The following DNAH17 variants were observed in gnomAD, a reference collection of about 807,000 sequenced individuals.
DNAH17 encodes the protein dynein axonemal heavy chain 17.
A neutral mutation model predicts 485.6 loss-of-function variants in DNAH17; 376 were observed. The observed-to-expected ratio is 0.77, with a 90% CI of 0.71 to 0.84. The LOEUF (loss-of-function observed/expected upper bound fraction) is 0.84, where lower values mean the gene tolerates loss of function less well. Ranked by LOEUF, DNAH17 falls within the 40% of genes least tolerant of loss-of-function variation. The pLI is 0.00. For missense variants in DNAH17, 6,370 were observed against 5,839.3 expected, an observed-to-expected ratio of 1.09 and a Z score of -2.96; for synonymous variants, 3,031 against 2,405.9, an observed-to-expected ratio of 1.26 and a Z score of -7.60.
intron 16 of DNAH17, among the ~76,000 whole-genome samples, chr17:78,550,923 G>A (rs1383022345): frequency 6.6e-6 from 1 of 152,198 alleles, no homozygotes; most frequent in African/African-American, 2.4e-5. Context: ...CCCGTCAATT[G>A]AAAATTGAAT....
intron 9 of DNAH17, among the ~76,000 whole-genome samples, chr17:78,568,028 A>C (rs1308821023): frequency 6.6e-6 from 1 of 152,080 alleles, no homozygotes; most frequent in Admixed American, 6.5e-5. Context: ...CCACGCACCA[A>C]CACCACCCCG....
At chr17:78,522,081 C>T (rs1015185720) in intron 25 of DNAH17, among the ~76,000 whole-genome samples, 1 of 152,188 alleles carries the variant, frequency 6.6e-6, no homozygotes, top group African/African-American at 2.4e-5. Context: ...CTCGCAATCA[C>T]AACCTGACAA....
At position 78,495,129 on chromosome 17, in the gene DNAH17, G is replaced by A. The variant is rs11077376; in HGVS notation, c.5904-32C>T. ...AGGTCAGCGGTGCCTGTGGGCTTCT[G>A]CCCACTCCCTCCCCAACCTACACCC... On this transcript the variant is annotated intron_variant, in intron 38 of 80. Coordinates refer to ENST00000389840, the MANE Select transcript of DNAH17 (RefSeq NM_173628.4). 403,584 of 1,559,520 alleles carry A rather than the reference G, an allele frequency of 0.26. 54,049 individuals carry two copies. Among genetic ancestry groups the A allele is most frequent in the South Asian group, 0.34 (28,625 of 84,004 alleles).
chr17:78,494,974 C>T lies in DNAH17; in HGVS notation c.6027G>A (p.Glu2009=), dbSNP rs989836288. ...KFITLYTLCK[E]LLSKQDHYDW... is the part of the protein sequence containing the mutation. ...ACACACACACCTGCTTCGAGAGCAG[C>T]TCCTTGCACAAGGTGTACAGGGTGA... Residue 2009 remains glutamate, a synonymous_variant, in exon 39 of 81, where the codon GAG becomes GAA. Coordinates refer to ENST00000389840, the MANE Select transcript of DNAH17 (RefSeq NM_173628.4). 1.9e-6 allele frequency: 3 copies of T among 1,612,980 alleles called. No individual in the cohort carries two copies. In the African/African-American group the frequency reaches 4.0e-5, roughly 22 times the overall value.
At chr17:78,568,439 C>T (rs1568268601) in intron 9 of DNAH17, among the ~76,000 whole-genome samples, 2 of 152,084 alleles carry the variant, frequency 1.3e-5, no homozygotes, top group African/African-American at 4.8e-5. Flanking sequence ...ATGATTTTCC[C>T]CTTTTTTAAG....
In DNAH17 at chr17:78,429,319, G is replaced by A. The variant is rs78662315; in HGVS notation, c.12226-19C>T. The A allele has an allele frequency of 2.7e-3, 4,269 of 1,608,506 alleles. 83 individuals are homozygous for A. In the East Asian group the frequency reaches 0.054, roughly 20 times the overall value. ...AGGGCACCTGAGGAAGGATGACAGC[G>A]GGTAGGGGAAAGTGCCCCTGTGCCC... On this transcript the variant is annotated intron_variant, in intron 75 of 80. Transcript: ENST00000389840.
intron 70 of DNAH17, 134 bp from the exon 71 acceptor site, chr17:78,444,931 A>G: frequency 1.1e-6 from 1 of 902,972 alleles, no homozygotes; most frequent in South Asian, 2.0e-5. Context: ...AGGAAGCCCG[A>G]GAGGCTGGCC....
intron 47 of DNAH17, 23 bp downstream of exon 47, chr17:78,485,527 G>C (rs1453523536): frequency 1.3e-5 from 20 of 1,555,262 alleles, no homozygotes; most frequent in Admixed American, 1.1e-4. Flanking sequence ...CGGGTAGGCA[G>C]GGCGTGGCCG....
intron 75 of DNAH17, among the ~76,000 whole-genome samples, chr17:78,431,691 G>A (rs894821753): frequency 1.3e-4 from 20 of 152,204 alleles, no homozygotes; most frequent in African/African-American, 4.6e-4. Context: ...TATGGGAGCC[G>A]GTGGGGAGTC....
chr17:78,558,447 C>CTGACATCACATCACCCTCATGGGTGGA (rs2092076004), intron 13 of DNAH17, among the ~76,000 whole-genome samples, 193 bp from the exon 14 acceptor site: 1 of 89,464 alleles, frequency 1.1e-5, no homozygotes, highest in African/African-American at 4.1e-5. Flanking sequence ...CCGGAAAGCA[C>CTGACATCACATCACCCTCATGGGTGGA]TGACATCACC....
chr17:78,557,313 G>C (rs1468358479), intron 14 of DNAH17, among the ~76,000 whole-genome samples: 2 of 152,098 alleles, frequency 1.3e-5, no homozygotes, highest in African/African-American at 2.4e-5. Context: ...AGGGTAAATA[G>C]ATCTATAAAG....
rs751792582 is a variant in DNAH17 at position 78,496,042 on chromosome 17, T to G, written c.5746-10A>C. Reference sequence around the variant, plus strand: ...CCTGGACACATTTTACCTGCACGGTTGGTGACACAGACATGTTAGCATGGA... The same window carrying G: ...CCTGGACACATTTTACCTGCACGGTGGGTGACACAGACATGTTAGCATGGA... On this transcript the variant is annotated splice_polypyrimidine_tract_variant and intron_variant, in intron 37 of 80. Transcript: ENST00000389840. 18 of 1,610,626 alleles carry G rather than the reference T, an allele frequency of 1.1e-5. No individual in the cohort carries two copies. Among genetic ancestry groups the G allele is most frequent in the Non-Finnish European group, 1.5e-5 (18 of 1,177,452 alleles).
At chr17:78,429,348 C>T (rs1182728251) in intron 75 of DNAH17, 48 bp from the exon 76 acceptor site, 22 of 1,585,328 alleles carry the variant, frequency 1.4e-5, no homozygotes, top group Non-Finnish European at 1.9e-5. Flanking sequence ...TGTGCCCCTT[C>T]TCTGCCATGA....
At chr17:78,441,244 G>C in intron 71 of DNAH17, 45 bp from the exon 72 acceptor site, 1 of 1,608,226 alleles carries the variant, frequency 6.2e-7, no homozygotes, top group South Asian at 1.1e-5. Flanking sequence ...GAGGCTCTGG[G>C]CCAGGGCGGG....
At chr17:78,556,228 C>G (rs1410294087) in intron 14 of DNAH17, among the ~76,000 whole-genome samples, 1 of 152,194 alleles carries the variant, frequency 6.6e-6, no homozygotes, top group Non-Finnish European at 1.5e-5. Context: ...TCTATCCATC[C>G]ATCCCTCCAT....
Position 78,490,810 on chromosome 17 carries a change from T to A in DNAH17, c.6707A>T (p.Asn2236Ile), listed in dbSNP as rs2089817934. The change falls in exon 44 of 81, where the codon AAC becomes ATC. Residue 2236 changes from asparagine to isoleucine, a missense_variant. By Grantham distance (149) the Asn-to-Ile change is moderately radical (BLOSUM62 -3). Transcript: ENST00000389840. ...TLASNERIPL[N>I]RTMRLVFEIS... ...TTCGAACACCAGCCTCATGGTGCGG[T>A]TCAGGGGGATCCGCTCGTTGCTGGC... 6.2e-7 allele frequency: 1 copy of A among 1,604,314 alleles called. No individual in the cohort carries two copies.
intron 54 of DNAH17, among the ~76,000 whole-genome samples, chr17:78,473,806 G>C (rs1331361857): frequency 6.6e-6 from 1 of 152,198 alleles, no homozygotes; most frequent in Non-Finnish European, 1.5e-5. Flanking sequence ...TAATAGACTA[G>C]AGACTTCAAT....
rs1208255169 is a variant in DNAH17, at chr17:78,437,641, C to G, written c.12033G>C (p.Gln4011His). The G allele has an allele frequency of 2.5e-6, 4 of 1,604,394 alleles. No individual in the cohort carries two copies. The highest frequency in any genetic ancestry group is 3.4e-6 in the Non-Finnish European group (4 of 1,175,076). Residue 4011 changes from glutamine to histidine, a missense_variant and splice_region_variant, in exon 74 of 81, where the codon CAG becomes CAC. By Grantham distance (24) the Gln-to-His change is conservative. Transcript: ENST00000389840. ...NLHKALDLFT[Q>H]DTLEMCTKEM... ...GCAGCCCGAGCAGGCGTGGCCCTAC[C>G]TGGGTGAACAGGTCCAGGGCCTTGT...
intron 19 of DNAH17, among the ~76,000 whole-genome samples, chr17:78,536,723 A>C (rs56662986): frequency 0.076 from 11,549 of 151,982 alleles, 610 homozygotes; most frequent in South Asian, 0.2. Context: ...AAGTTGGGAA[A>C]GGTTACCCTC....
Sources: gnomAD v4.1 joint callset for allele counts (sites outside exome capture counted in the v4.1 genomes callset) on GRCh38, gnomAD v4.1.1 for gene constraint, MANE v1.5 for transcripts, NCBI Gene and HGNC (gene_info 2026-07-23, HGNC 2026-07-21) for gene names.